Variants in KAZN observed in about 807,000 individuals in gnomAD.
KAZN encodes kazrin.
In KAZN, 40 loss-of-function variants were observed where a neutral mutation model predicts 87.4. The ratio of observed to expected loss-of-function variants is 0.46; its 90% CI spans 0.36 to 0.60. The LOEUF is 0.60. Among genes scored for constraint, KAZN ranks in the 20% least tolerant of loss-of-function variants. The pLI, the probability that KAZN is intolerant of heterozygous loss-of-function variation, is 0.00. For missense variants in KAZN, 898 were observed against 1,073.9 expected, an observed-to-expected ratio of 0.84 and a Z score of 2.29; for synonymous variants, 466 against 458.3, an observed-to-expected ratio of 1.02 and a Z score of -0.22.
intron 2 of KAZN, among the ~76,000 whole-genome samples, chr1:14,358,920 G>A (rs1242242193): frequency 6.6e-6 from 1 of 152,178 alleles, no homozygotes; most frequent in Non-Finnish European, 1.5e-5. Context: ...GGGGTGGAGA[G>A]TTCTGTAGAT....
intron 1 of KAZN, among the ~76,000 whole-genome samples, chr1:14,630,617 G>A (rs1038938289): frequency 6.6e-6 from 1 of 152,122 alleles, no homozygotes; most frequent in African/African-American, 2.4e-5. Context: ...ATGCTGACTG[G>A]GGCCATGCTT....
intron 1 of KAZN, among the ~76,000 whole-genome samples, chr1:14,128,464 A>G (rs1018821): frequency 0.57 from 87,084 of 151,918 alleles, 26,267 homozygotes; most frequent in East Asian, 0.76. Flanking sequence ...ACACTTGCAG[A>G]GGGGTGGTTG....
intron 1 of KAZN, among the ~76,000 whole-genome samples, chr1:14,818,799 A>C (rs1199139733): frequency 1.3e-5 from 2 of 152,186 alleles, no homozygotes; most frequent in East Asian, 3.9e-4. Context: ...TCACACTTGT[A>C]ACCCCAGCAC....
In KAZN at chr1:14,599,033, C is replaced by T; in HGVS notation, c.36C>T (p.Ile12=). The T allele has an allele frequency of 2.5e-6, 4 of 1,569,884 alleles. No homozygotes were observed. The highest frequency in any genetic ancestry group is 3.4e-6 in the Non-Finnish European group (4 of 1,162,086). ...ACAATAAGCAGCTCGCGCTCCGCAT[C>T]GATGGGGCGGTCCAGTCGGCCAGCC... is the stretch of plus-strand genomic sequence containing the variant. ...MEDNKQLALR[I]DGAVQSASQE... The change falls in exon 1 of 15, where the codon ATC becomes ATT. Residue 12 remains isoleucine (I), a synonymous_variant. Transcript: ENST00000376030. This position sits in a 1 kb window ranked among gnomAD's most constrained non-coding sequence, Gnocchi z 4.4.
At chr1:15,109,311 G>A (rs901876221) in intron 13 of KAZN, among the ~76,000 whole-genome samples, 5 of 152,182 alleles carry the variant, frequency 3.3e-5, no homozygotes, top group Admixed American at 2.0e-4. Flanking sequence ...CCTGAGCCCA[G>A]TAAGCCAAGA....
chr1:14,350,352 A>G (rs1658446726), intron 2 of KAZN, among the ~76,000 whole-genome samples: 1 of 152,192 alleles, frequency 6.6e-6, no homozygotes, highest in African/African-American at 2.4e-5. Flanking sequence ...ATTGCCTAAG[A>G]ATATGACCAT....
Position 14,256,571 on chromosome 1 carries a change from G to C in KAZN, c.249+75979G>C, listed in dbSNP as rs546126191. 2.6e-5 allele frequency among the ~76,000 whole-genome samples: 4 copies of C among 152,116 alleles called. No homozygotes were observed. The East Asian group carries it at 7.8e-4, about 29-fold the overall frequency. On this transcript the variant is annotated intron_variant, in intron 2 of 16. Coordinates refer to the KAZN transcript ENST00000636203. The stretch of plus-strand genomic sequence containing the variant: ...ACCTGTCCCCTGAGGTCTTTATTTA[G>C]AACATTCTAGAAAAAAATGGCAGAG...
chr1:13,945,710 T>TGTGTGTGTGTGAGA lies in KAZN; in HGVS notation c.91+51955_91+51956insTGTGTGTGTGAGAG, dbSNP rs757118365. On this transcript the variant is annotated intron_variant, in intron 1 of 16. Coordinates refer to the KAZN transcript ENST00000636203. The stretch of plus-strand genomic sequence containing the variant: ...GTGTGTGTGTGTGTGTGTGTGTGTG[T>TGTGTGTGTGTGAGA]GAGAGAGAGAGAGAGAGAGAGAGAG... Among the ~76,000 whole-genome samples, 247 of 137,242 alleles carry TGTGTGTGTGTGAGA rather than the reference T, an allele frequency of 1.8e-3. 5 individuals carry two copies. The East Asian group carries it at 0.034, about 19-fold the overall frequency. 90.0% of individuals were successfully genotyped at this position (137,242 alleles called of 152,430 possible). A position where few individuals can be genotyped will look rare whatever the true frequency, so the allele number is the denominator to read the frequency against.
At chr1:14,669,911 G>C (rs752529019) in intron 1 of KAZN, among the ~76,000 whole-genome samples, 1 of 152,130 alleles carries the variant, frequency 6.6e-6, no homozygotes, top group Non-Finnish European at 1.5e-5. Context: ...CCTGGGTACC[G>C]CCAATCTATC....
At chr1:14,236,630 C>A (rs1035326823) in intron 2 of KAZN, among the ~76,000 whole-genome samples, 1 of 152,156 alleles carries the variant, frequency 6.6e-6, no homozygotes, top group Non-Finnish European at 1.5e-5. Flanking sequence ...TTGCATAAAA[C>A]GTATCGGCCA....
chr1:15,053,947 G>T (rs541700586), intron 4 of KAZN, among the ~76,000 whole-genome samples: 14 of 152,208 alleles, frequency 9.2e-5, no homozygotes, highest in Non-Finnish European at 1.8e-4. Context: ...TGTCCGAGCT[G>T]GAAGGAGCCC....
chr1:15,002,718 GTAAT>G (rs1330199601), intron 2 of KAZN, among the ~76,000 whole-genome samples: 1 of 151,866 alleles, frequency 6.6e-6, no homozygotes, highest in African/African-American at 2.4e-5. Flanking sequence ...GCTCACACCT[GTAAT>G]CCCAGCACTT....
chr1:14,603,781 C>A (rs535560627), intron 1 of KAZN, among the ~76,000 whole-genome samples: 2 of 152,120 alleles, frequency 1.3e-5, no homozygotes, highest in Non-Finnish European at 2.9e-5. Context: ...TTTTAGGAAT[C>A]CTATAGGGTT....
Position 14,101,211 on chromosome 1 carries a change from G to T in KAZN, c.92-79224G>T, listed in dbSNP as rs567541372. Among the ~76,000 whole-genome samples the T allele has an allele frequency of 1.4e-3, 211 of 152,280 alleles. 1 individual carries two copies. The Middle Eastern group carries it at 0.02, about 15-fold the overall frequency. On this transcript the variant is annotated intron_variant, in intron 1 of 16. Coordinates refer to the KAZN transcript ENST00000636203. The stretch of plus-strand genomic sequence containing the variant: ...GCAAACAGGCCTTGAAAGGGTTGCA[G>T]TCAGGCCTGCCATATTAACTCTTTT...
chr1:14,003,055 G>T (rs1443908972), intron 1 of KAZN, among the ~76,000 whole-genome samples: 2 of 152,034 alleles, frequency 1.3e-5, no homozygotes, highest in Non-Finnish European at 2.9e-5. Context: ...TCCTTTGCAG[G>T]GACATGGATG....
intron 1 of KAZN, among the ~76,000 whole-genome samples, chr1:14,821,923 G>A (rs1045529656): frequency 2.6e-5 from 4 of 152,166 alleles, no homozygotes; most frequent in Admixed American, 6.5e-5. Flanking sequence ...CTCCAGACAC[G>A]TGGTGGTTTT....
intron 2 of KAZN, among the ~76,000 whole-genome samples, chr1:14,285,365 G>C (rs909474320): frequency 6.6e-6 from 1 of 152,164 alleles, no homozygotes; most frequent in Non-Finnish European, 1.5e-5. Context: ...GGAGGCTTTG[G>C]CAGTCTATTG....
chr1:14,627,978 A>ACT (rs3087168), intron 1 of KAZN, among the ~76,000 whole-genome samples: 4,834 of 143,762 alleles, frequency 0.034, 142 homozygotes, highest in African/African-American at 0.074. Flanking sequence ...TGGATATGGA[A>ACT]CTCTCTCTCT....
chr1:14,978,785 A>G (rs766859536), intron 2 of KAZN, among the ~76,000 whole-genome samples: 2 of 152,108 alleles, frequency 1.3e-5, no homozygotes, highest in Non-Finnish European at 2.9e-5. Flanking sequence ...TGCTCCTAGA[A>G]GGGGGTCTGA....
Sources: allele counts gnomAD v4.1 joint callset (sites outside exome capture counted in the v4.1 genomes callset), GRCh38; gene constraint gnomAD v4.1.1; non-coding constraint Gnocchi (gnomAD v3.1); transcripts MANE v1.5; gene names NCBI Gene and HGNC (gene_info 2026-07-23, HGNC 2026-07-21).